The following CAMSAP3 variants were observed in gnomAD, a reference collection of about 807,000 sequenced individuals.
The protein encoded by CAMSAP3 is calmodulin regulated spectrin associated protein family member 3.
CAMSAP3 carries 34 observed loss-of-function variants against 112.5 expected under a neutral mutation model. The ratio of observed to expected loss-of-function variants is 0.30; its 90% CI spans 0.23 to 0.40. The LOEUF is 0.40. CAMSAP3 is among the 10% of genes least tolerant of loss of function. The pLI is 1.00. For synonymous variants in CAMSAP3, 868 were observed against 799.8 expected, an observed-to-expected ratio of 1.09 and a Z score of -1.44; for missense variants, 1,602 against 1,770.3, an observed-to-expected ratio of 0.90 and a Z score of 1.71.
At position 7,617,743 on chromosome 19, in the gene CAMSAP3, C is replaced by A; in HGVS notation, c.3445-9C>A. On this transcript the variant is annotated splice_polypyrimidine_tract_variant and intron_variant, in intron 16 of 16. Coordinates refer to ENST00000160298, the MANE Select transcript of CAMSAP3 (RefSeq NM_020902.2). The surrounding 1 kb of genome is among the most constrained non-coding windows in gnomAD (Gnocchi z 7.5). ...TGGCCAGCTGACCATTTCCAGCACT[C>A]CTGCCCAGGAAATTGAGAAAAGCAA... 6.2e-7 allele frequency: 1 copy of A among 1,611,788 alleles called. No homozygotes were observed. The highest frequency in any genetic ancestry group is 8.5e-7 in the Non-Finnish European group (1 of 1,178,208).
chr19:7,613,056 G>A lies in CAMSAP3; in HGVS notation c.2563G>A (p.Ala855Thr), dbSNP rs748364539. ...EIPLGSLADP[A>T]AEDEGDGSPA... ...CCCGCTGGGCAGCCTGGCAGATCCC[G>A]CCGCCGAGGACGAGGGAGACGGGAG... The change falls in exon 11 of 17, where the codon GCC becomes ACC. Residue 855 changes from alanine (A) to threonine (T), a missense_variant. Around this residue, in one of 6 missense-constraint regions of CAMSAP3, gnomAD observed 1,100 missense variants for 1,135.7 expected, o/e 0.97. Transcript: ENST00000160298. The A allele has an allele frequency of 9.0e-6, 14 of 1,549,140 alleles. No homozygotes were observed. In the South Asian group the frequency reaches 1.2e-4, roughly 13 times the overall value.
intron 1 of CAMSAP3, among the ~76,000 whole-genome samples, chr19:7,601,925 A>C (rs966805790): frequency 6.7e-6 from 1 of 149,544 alleles, no homozygotes; most frequent in African/African-American, 2.5e-5. Context: ...GTAGCCGGGC[A>C]TGGTGGTGCA....
In CAMSAP3 at chr19:7,604,237, T is replaced by C. The variant is rs767062825; in HGVS notation, c.149-989T>C. Among the ~76,000 whole-genome samples, 5 of 152,064 alleles carry C rather than the reference T, an allele frequency of 3.3e-5. No individual in the cohort carries two copies. In the East Asian group the frequency reaches 9.6e-4, roughly 29 times the overall value. ...CGACCCCTGCCAAGCCTTCCTGGCC[T>C]TCTCCTCTCCACTCTTGGTCCTACG... is the stretch of plus-strand genomic sequence containing the variant. On this transcript the variant is annotated intron_variant, in intron 1 of 16. Transcript: ENST00000160298.
intron 1 of CAMSAP3, among the ~76,000 whole-genome samples, chr19:7,596,839 G>T (rs2024453337): frequency 6.6e-6 from 1 of 152,188 alleles, no homozygotes; most frequent in South Asian, 2.1e-4. Context: ...AGATCGCCTG[G>T]GGTGGGCCCC....
At chr19:7,606,432 C>T (rs373339944) in intron 3 of CAMSAP3, 39 bp downstream of exon 3, 42 of 1,611,356 alleles carry the variant, frequency 2.6e-5, no homozygotes, top group Non-Finnish European at 3.6e-5. Context: ...CGGGGACCAG[C>T]ATCGTCCAGT....
chr19:7,616,578 C>T lies in CAMSAP3; in HGVS notation c.3168C>T (p.Ala1056=). Residue 1056 remains alanine (A), a synonymous_variant, in exon 14 of 17, where the codon GCC becomes GCT. Coordinates refer to ENST00000160298, the MANE Select transcript of CAMSAP3 (RefSeq NM_020902.2). ...CCACCCTGTCACTGTCCACTGTGGC[C>T]AACGAGGCCCACAATAACCTCGGGG... ...SQSTLSLSTV[A]NEAHNNLGVK... 1 of 1,612,374 alleles carries T rather than the reference C, an allele frequency of 6.2e-7. No individual in the cohort carries two copies. Among genetic ancestry groups the T allele is most frequent in the Non-Finnish European group, 8.5e-7 (1 of 1,179,838 alleles).
rs1414336122 is a variant in CAMSAP3, at chr19:7,610,656, T to TG, written c.901-40dup. 3.7e-6 allele frequency: 6 copies of TG among 1,613,830 alleles called. No homozygotes were observed. ...GGCCTCCTGGGCCGAGGCGGGCATC[T>TG]GGGGCCAGGGGTCCCGTCTGCTGAC... On this transcript the variant is annotated intron_variant, in intron 6 of 16. Transcript: ENST00000160298. The surrounding 1 kb of genome is among the most constrained non-coding windows in gnomAD (Gnocchi z 4.9).
chr19:7,612,895 C>T lies in CAMSAP3; in HGVS notation c.2402C>T (p.Pro801Leu), dbSNP rs970835192. The T allele has an allele frequency of 6.2e-7, 1 of 1,608,852 alleles. No homozygotes were observed. The highest frequency in any genetic ancestry group is 1.7e-5 in the Admixed American group (1 of 59,890). Reference sequence around the variant, plus strand: ...CCCTTGACCAGGGTGCTTACGCCACCCCACGACGTAGACAGCCTCCCCCAC... The same window carrying T: ...CCCTTGACCAGGGTGCTTACGCCACTCCACGACGTAGACAGCCTCCCCCAC... ...LAPLTRVLTP[P>L]HDVDSLPHLR... is the part of the protein sequence containing the mutation. The change falls in exon 11 of 17, where the codon CCC (proline) becomes CTC (leucine). Residue 801 changes from proline to leucine, a missense_variant. Physicochemically the swap from Pro to Leu is moderately conservative, Grantham distance 98 (BLOSUM62 -3). Around this residue, in one of 6 missense-constraint regions of CAMSAP3, gnomAD observed 1,100 missense variants for 1,135.7 expected, o/e 0.97. Coordinates refer to ENST00000160298, the MANE Select transcript of CAMSAP3 (RefSeq NM_020902.2).
rs1476743773 is a variant in CAMSAP3, at chr19:7,611,439, G to T, written c.1124-78G>T. The T allele has an allele frequency of 1.4e-6, 2 of 1,382,914 alleles. No individual in the cohort carries two copies. The highest frequency in any genetic ancestry group is 1.4e-5 in the African/African-American group (1 of 69,118). The allele number at this position is 1,382,914 out of a possible 1,614,324, so 85.7% of individuals were successfully genotyped here. A position where few individuals can be genotyped will look rare whatever the true frequency, so the allele number is the denominator to read the frequency against. The stretch of plus-strand genomic sequence containing the variant: ...CAGTGACTCACCCAATGACCTTGCA[G>T]AGGTTGTCCCCAGATGCTGGCTGAC... On this transcript the variant is annotated intron_variant, in intron 9 of 16. Coordinates refer to ENST00000160298, the MANE Select transcript of CAMSAP3 (RefSeq NM_020902.2). The surrounding 1 kb of genome is among the most constrained non-coding windows in gnomAD (Gnocchi z 6.9).
At chr19:7,616,467 G>T in intron 13 of CAMSAP3, 56 bp from the exon 14 acceptor site, 2 of 1,222,270 alleles carry the variant, frequency 1.6e-6, no homozygotes, top group Non-Finnish European at 2.4e-6. Flanking sequence ...GCTGGACCGG[G>T]TGTTGTGGAG....
intron 2 of CAMSAP3, 95 bp from the exon 3 acceptor site, chr19:7,606,176 C>G: frequency 2.0e-6 from 2 of 1,016,328 alleles, no homozygotes; most frequent in Non-Finnish European, 2.9e-6. Context: ...TCAAGTCCCT[C>G]CCATCTGCAG....
Position 7,617,694 on chromosome 19 carries a change from G to T in CAMSAP3, c.3444+33G>T. On this transcript the variant is annotated intron_variant, in intron 16 of 16. Transcript: ENST00000160298. This position sits in a 1 kb window ranked among gnomAD's most constrained non-coding sequence, Gnocchi z 7.5. ...CGCCCACACGTGGGAGTTGGGGGCT[G>T]GTGGGTGGGTGGGTGGCCTGACTTG... is the stretch of plus-strand genomic sequence containing the variant. The T allele has an allele frequency of 1.9e-6, 3 of 1,609,876 alleles. No homozygotes were observed. The highest frequency in any genetic ancestry group is 2.5e-6 in the Non-Finnish European group (3 of 1,176,822).
At position 7,611,780 on chromosome 19, in the gene CAMSAP3, T is replaced by C. The variant is rs556195632; in HGVS notation, c.1287T>C (p.Ser429=). The C allele has an allele frequency of 3.7e-5, 59 of 1,597,532 alleles. No individual in the cohort carries two copies. Among genetic ancestry groups the C allele is most frequent in the African/African-American group, 3.1e-4 (23 of 74,874 alleles). Residue 429 remains serine, a synonymous_variant, in exon 11 of 17, where the codon TCT becomes TCC. Transcript: ENST00000160298. This position sits in a 1 kb window ranked among gnomAD's most constrained non-coding sequence, Gnocchi z 6.9. ...TGGGAGACCCTGTGCTCCTCCGCTCTGTGAGCTCGGACAGCCTGGGCCCCC... is the reference window on the plus strand; with the variant it reads ...TGGGAGACCCTGTGCTCCTCCGCTCCGTGAGCTCGGACAGCCTGGGCCCCC... ...VVMGDPVLLR[S]VSSDSLGPPR... is the part of the protein sequence containing the mutation.
chr19:7,604,249 C>G (rs547228919), intron 1 of CAMSAP3, among the ~76,000 whole-genome samples: 1 of 152,150 alleles, frequency 6.6e-6, no homozygotes, highest in East Asian at 1.9e-4. Context: ...CTCCTCTCCA[C>G]TCTTGGTCCT....
chr19:7,614,772 C>T lies in CAMSAP3; in HGVS notation c.2671-411C>T, dbSNP rs150599352. On this transcript the variant is annotated intron_variant, in intron 11 of 16. Transcript: ENST00000160298. ...GCCTCGGCACTAGCTGTCCCCTCTG[C>T]CTGGAACGCTCTGCTCTGTACGCCC... 85 of 234,326 alleles carry T rather than the reference C, an allele frequency of 3.6e-4. No individual in the cohort carries two copies. In the East Asian group the frequency reaches 7.9e-3, roughly 22 times the overall value. 14.5% of individuals were successfully genotyped at this position (234,326 alleles called of 1,614,324 possible).
chr19:7,611,177 G>A lies in CAMSAP3; in HGVS notation c.1123+9G>A. On this transcript the variant is annotated intron_variant, in intron 9 of 16. Coordinates refer to ENST00000160298, the MANE Select transcript of CAMSAP3 (RefSeq NM_020902.2). The surrounding 1 kb of genome is among the most constrained non-coding windows in gnomAD (Gnocchi z 6.9). ...ACTCCGAGGATCCACAGGTGAGGAG[G>A]GGGTAGGTGGCTTCTGTCACGGGGG... is the stretch of plus-strand genomic sequence containing the variant. 1 of 1,613,162 alleles carries A rather than the reference G, an allele frequency of 6.2e-7. No homozygotes were observed. Among genetic ancestry groups the A allele is most frequent in the Non-Finnish European group, 8.5e-7 (1 of 1,179,798 alleles).
At chr19:7,606,424 G>A (rs2030225872) in intron 3 of CAMSAP3, 31 bp downstream of exon 3, 1 of 1,612,138 alleles carries the variant, frequency 6.2e-7, no homozygotes, top group African/African-American at 1.3e-5. Flanking sequence ...GGTGGGTTCG[G>A]GGACCAGCAT....
chr19:7,605,271 A>G lies in CAMSAP3; in HGVS notation c.194A>G (p.Tyr65Cys), dbSNP rs1467106819. The change falls in exon 2 of 17, where the codon TAC (tyrosine) becomes TGC (cysteine). Residue 65 changes from tyrosine to cysteine, a missense_variant. Physicochemically the swap from Tyr to Cys is radical, Grantham distance 194. This residue lies in a region of CAMSAP3 where 147 missense variants were observed against 144.6 expected (regional missense o/e 1.02). Coordinates refer to ENST00000160298, the MANE Select transcript of CAMSAP3 (RefSeq NM_020902.2). The part of the protein sequence containing the change: ...ELWEPFYTDQ[Y>C]AQEHVKPPVT... Reference sequence around the variant, plus strand: ...TGGGAGCCCTTCTATACCGACCAGTACGCGCAGGAGCATGTGAAGCCCCCG... The same window carrying G: ...TGGGAGCCCTTCTATACCGACCAGTGCGCGCAGGAGCATGTGAAGCCCCCG... The G allele has an allele frequency of 6.2e-7, 1 of 1,607,524 alleles. No individual in the cohort carries two copies.
At chr19:7,603,546 A>ACCCCAATATACAAAACAAGTCTG (rs2030064619) in intron 1 of CAMSAP3, among the ~76,000 whole-genome samples, 2 of 151,530 alleles carry the variant, frequency 1.3e-5, no homozygotes, top group Non-Finnish European at 2.9e-5. Context: ...CACACACAGA[A>ACCCCAATATACAAAACAAGTCTG]CCCCAATATA....
Sources: allele counts gnomAD v4.1 joint callset (sites outside exome capture counted in the v4.1 genomes callset), GRCh38; gene constraint gnomAD v4.1.1; regional missense constraint gnomAD v4.1.1; non-coding constraint Gnocchi (gnomAD v3.1); transcripts MANE v1.5; gene names NCBI Gene and HGNC (gene_info 2026-07-23, HGNC 2026-07-21).